AFF4: variants seen among roughly 807,000 people sequenced by gnomAD.
AFF4 encodes the protein AF4/FMR2 family member 4.
In AFF4, 13 loss-of-function variants were observed where a neutral mutation model predicts 124.8. The observed-to-expected ratio is 0.10, with a 90% CI of 0.07 to 0.17. The LOEUF (loss-of-function observed/expected upper bound fraction) is 0.17, where lower values mean the gene tolerates loss of function less well. Among genes scored for constraint, AFF4 ranks in the 10% least tolerant of loss-of-function variants. AFF4 has a pLI of 1.00. For missense variants in AFF4, 1,092 were observed against 1,403.8 expected, an observed-to-expected ratio of 0.78 and a Z score of 3.55; for synonymous variants, 477 against 496.1, an observed-to-expected ratio of 0.96 and a Z score of 0.51.
chr5:132,883,459 G>A lies in AFF4; in HGVS notation c.3245C>T (p.Ser1082Leu), dbSNP rs1170657071. 1.8e-5 allele frequency: 29 copies of A among 1,614,058 alleles called. No individual in the cohort carries two copies. The highest frequency in any genetic ancestry group is 2.4e-5 in the Non-Finnish European group (28 of 1,180,016). Residue 1082 changes from serine to leucine, a missense_variant, in exon 20 of 21, where the codon TCA becomes TTA. By Grantham distance (145) the Ser-to-Leu change is moderately radical (BLOSUM62 -2). Coordinates refer to ENST00000265343, the MANE Select transcript of AFF4 (RefSeq NM_014423.4). The stretch of plus-strand genomic sequence containing the variant: ...GTGGATCTTCTGTGGAATGGTCACT[G>A]AAGAACCACTTGCAGAAGCACTACT... ...GASSASASGS[S>L]VTIPQKIHQM...
At chr5:132,937,399 T>C (rs1424200558) in intron 1 of AFF4, among the ~76,000 whole-genome samples, 1 of 152,202 alleles carries the variant, frequency 6.6e-6, no homozygotes, top group Non-Finnish European at 1.5e-5. Context: ...AAGGAAACAC[T>C]AGCCCAGAAT....
intron 2 of AFF4, 144 bp downstream of exon 2, chr5:132,936,922 AT>A: frequency 9.0e-7 from 1 of 1,105,222 alleles, no homozygotes. Context: ...TCCCCAAAAA[AT>A]ATCTTCTATG....
chr5:132,926,423 C>T (rs142210421), intron 5 of AFF4, among the ~76,000 whole-genome samples: 22 of 152,164 alleles, frequency 1.4e-4, no homozygotes, highest in African/African-American at 5.1e-4. Context: ...CCTCTTTCCA[C>T]GGGACAAGTA....
chr5:132,887,253 G>T (rs1760141101), intron 17 of AFF4, among the ~76,000 whole-genome samples: 1 of 152,204 alleles, frequency 6.6e-6, no homozygotes, highest in African/African-American at 2.4e-5. Context: ...GAAGAGTGTG[G>T]AAAAGTGATT....
intron 1 of AFF4, among the ~76,000 whole-genome samples, 174 bp from the exon 2 acceptor site, chr5:132,937,367 T>C (rs1041451982): frequency 4.6e-5 from 7 of 152,230 alleles, no homozygotes; most frequent in South Asian, 2.1e-4. Context: ...CAAATACCAA[T>C]AGTGTCTTCC....
chr5:132,878,258 T>C lies in AFF4; in HGVS notation c.*2801A>G. The C allele has an allele frequency of 4.4e-6, 1 of 229,754 alleles. No individual in the cohort carries two copies. Among genetic ancestry groups the C allele is most frequent in the Non-Finnish European group, 8.6e-6 (1 of 115,756 alleles). The allele number at this position is 229,754 out of a possible 1,614,324, so 14.2% of individuals were successfully genotyped here. On this transcript the variant is annotated 3_prime_UTR_variant, in exon 21 of 21. Coordinates refer to ENST00000265343, the MANE Select transcript of AFF4 (RefSeq NM_014423.4). ...CTGTGACAACTGCAACCACTGCAAT[T>C]GGTTCGTTGGTTGCTTGTAAAGAGT...
chr5:132,953,612 T>C (rs1381921618), intron 1 of AFF4, among the ~76,000 whole-genome samples: 1 of 152,174 alleles, frequency 6.6e-6, no homozygotes, highest in Non-Finnish European at 1.5e-5. Flanking sequence ...TGCTTTCCCT[T>C]ATCACCAACC....
intron 2 of AFF4, among the ~76,000 whole-genome samples, chr5:132,936,229 T>C (rs1761426197): frequency 1.7e-5 from 2 of 118,478 alleles, no homozygotes; most frequent in African/African-American, 6.7e-5. Context: ...ATCGCGCCAC[T>C]GCACTCCAAC....
Position 132,878,486 on chromosome 5 carries a change from G to A in AFF4, c.*2573C>T. The A allele has an allele frequency of 4.3e-6, 1 of 232,580 alleles. No homozygotes were observed. The highest frequency in any genetic ancestry group is 6.1e-5 in the East Asian group (1 of 16,432). 14.4% of individuals were successfully genotyped at this position (232,580 alleles called of 1,614,324 possible). A position where few individuals can be genotyped will look rare whatever the true frequency, so the allele number is the denominator to read the frequency against. On this transcript the variant is annotated 3_prime_UTR_variant, in exon 21 of 21. Transcript: ENST00000265343. ...GGACACCTATTGAGGAGGGAGGGGG[G>A]AAGGTCACCTGTAAAGGAGTCCAAA...
intron 1 of AFF4, among the ~76,000 whole-genome samples, chr5:132,954,143 A>G (rs1351705543): frequency 6.6e-6 from 1 of 152,188 alleles, no homozygotes; most frequent in East Asian, 1.9e-4. Flanking sequence ...TTTTGGCACC[A>G]GGGACCAGTT....
intron 13 of AFF4, among the ~76,000 whole-genome samples, chr5:132,890,030 G>A (rs1475420805): frequency 1.3e-5 from 2 of 151,732 alleles, no homozygotes; most frequent in Non-Finnish European, 2.9e-5. Context: ...TTAATAAAAC[G>A]AATATACATT....
chr5:132,910,139 G>A (rs1290490203), intron 5 of AFF4, among the ~76,000 whole-genome samples: 2 of 152,062 alleles, frequency 1.3e-5, no homozygotes, highest in Non-Finnish European at 2.9e-5. Flanking sequence ...AAAATACCAG[G>A]GAAAAATAGC....
chr5:132,906,349 A>G (rs970829618), intron 5 of AFF4, among the ~76,000 whole-genome samples: 2 of 152,228 alleles, frequency 1.3e-5, no homozygotes, highest in African/African-American at 2.4e-5. Context: ...CAAAAAGTGG[A>G]AACAACTCAA....
In AFF4 at chr5:132,878,571, A is replaced by T. The variant is rs2150059368; in HGVS notation, c.*2488T>A. Reference sequence around the variant, plus strand: ...CATCTAAGAAGATAGACATGGAGGAAAGGGAGTAGTATTTCCACACACTAT... The same window carrying T: ...CATCTAAGAAGATAGACATGGAGGATAGGGAGTAGTATTTCCACACACTAT... On this transcript the variant is annotated 3_prime_UTR_variant, in exon 21 of 21. Transcript: ENST00000265343. 4.3e-6 allele frequency: 1 copy of T among 231,302 alleles called. No homozygotes were observed. Among genetic ancestry groups the T allele is most frequent in the Non-Finnish European group, 8.6e-6 (1 of 116,556 alleles). The allele number at this position is 231,302 out of a possible 1,614,324, so 14.3% of individuals were successfully genotyped here. A position where few individuals can be genotyped will look rare whatever the true frequency, so the allele number is the denominator to read the frequency against.
At chr5:132,893,509 T>C (rs1178417955) in intron 11 of AFF4, among the ~76,000 whole-genome samples, 2 of 152,218 alleles carry the variant, frequency 1.3e-5, no homozygotes, top group African/African-American at 4.8e-5. Flanking sequence ...ATTTTAATTT[T>C]ATTTATTTAG....
At chr5:132,907,066 C>T (rs1430424123) in intron 5 of AFF4, among the ~76,000 whole-genome samples, 1 of 152,070 alleles carries the variant, frequency 6.6e-6, no homozygotes, top group East Asian at 1.9e-4. Flanking sequence ...ATTTATTTGT[C>T]TTATATCTGA....
intron 5 of AFF4, among the ~76,000 whole-genome samples, chr5:132,922,218 G>C (rs1031481764): frequency 9.2e-5 from 14 of 152,090 alleles, no homozygotes; most frequent in Non-Finnish European, 2.1e-4. Flanking sequence ...AGGAGTTCAA[G>C]AGCAGCCTGA....
intron 5 of AFF4, among the ~76,000 whole-genome samples, chr5:132,911,886 T>C (rs868393314): frequency 7.0e-6 from 1 of 143,844 alleles, no homozygotes. Flanking sequence ...AAAAAAAGAA[T>C]GACAACAATG....
In AFF4 at chr5:132,880,474, T is replaced by TCATGTGTAGAAGA; in HGVS notation, c.*584_*585insTCTTCTACACATG. On this transcript the variant is annotated 3_prime_UTR_variant, in exon 21 of 21. Coordinates refer to ENST00000265343, the MANE Select transcript of AFF4 (RefSeq NM_014423.4). ...TTTTTCATGTGTAGAAGAATATCCTTAATACTAACTGTAAATTCCACAATA... is the reference window on the plus strand; with the variant it reads ...TTTTTCATGTGTAGAAGAATATCCTTCATGTGTAGAAGAAATACTAACTGTAAATTCCACAATA... The TCATGTGTAGAAGA allele has an allele frequency of 2.5e-6, 1 of 397,348 alleles. No homozygotes were observed. The allele number at this position is 397,348 out of a possible 1,614,324, so 24.6% of individuals were successfully genotyped here.
Sources: gnomAD v4.1 joint callset for allele counts (sites outside exome capture counted in the v4.1 genomes callset) on GRCh38, gnomAD v4.1.1 for gene constraint, MANE v1.5 for transcripts, NCBI Gene and HGNC (gene_info 2026-07-23, HGNC 2026-07-21) for gene names.